TBC1D30: variants seen among roughly 807,000 people sequenced by gnomAD.
TBC1D30 encodes TBC1 domain family, member 30.
TBC1D30 carries 31 observed loss-of-function variants against 63.2 expected under a neutral mutation model. That is an observed-to-expected ratio of 0.49 (90% CI 0.37 to 0.66). The LOEUF (loss-of-function observed/expected upper bound fraction) is 0.66, where lower values mean the gene tolerates loss of function less well. TBC1D30 is among the 30% of genes least tolerant of loss of function. The probability of loss-of-function intolerance (pLI) is 0.00; values close to 1 mark genes in which losing one functional copy is unlikely to be tolerated. For missense variants in TBC1D30, 810 were observed against 953.6 expected (o/e 0.85, Z 1.98); for synonymous variants, 307 against 361.5 (o/e 0.85, Z 1.71).
intron 2 of TBC1D30, among the ~76,000 whole-genome samples, chr12:64,808,660 G>A (rs958859719): frequency 3.9e-5 from 6 of 152,026 alleles, no homozygotes; most frequent in East Asian, 1.9e-4. Context: ...GTACAGTCAC[G>A]CTGTGCATTC....
upstream of TBC1D30, among the ~76,000 whole-genome samples, chr12:64,824,072 C>T (rs1249079411): frequency 6.9e-6 from 1 of 145,238 alleles, no homozygotes; most frequent in Non-Finnish European, 1.5e-5. Context: ...TTGAGAATGA[C>T]TTTTTTTTTT....
chr12:64,797,991 T>C (rs1872379740), intron 2 of TBC1D30, among the ~76,000 whole-genome samples: 1 of 152,242 alleles, frequency 6.6e-6, no homozygotes, highest in South Asian at 2.1e-4. Flanking sequence ...TCTTCAGCCA[T>C]CATTCTGGTT....
At chr12:64,768,057 A>C (rs1181539255) in intron 1 of TBC1D30, among the ~76,000 whole-genome samples, 1 of 152,162 alleles carries the variant, frequency 6.6e-6, no homozygotes, top group Non-Finnish European at 1.5e-5. Flanking sequence ...TGGAGCATAA[A>C]AGTGCTCTGT....
In TBC1D30 at chr12:64,824,939, G is replaced by C; in HGVS notation, c.60G>C (p.Gln20His). The C allele has an allele frequency of 1.3e-6, 2 of 1,534,754 alleles. No individual in the cohort carries two copies. The highest frequency in any genetic ancestry group is 2.4e-5 in the South Asian group (2 of 83,930). ...GCGGGGGGAGATGCCTGAAGCGGCA[G>C]GGCGGCGGCGTGGGCACCATCCTGA... ...LRRGGRCLKR[Q>H]GGGVGTILSN... The change falls in exon 1 of 12, where the codon CAG becomes CAC. Residue 20 changes from glutamine (Q) to histidine (H), a missense_variant. Gln to His is a conservative substitution (Grantham distance 24). This residue lies in a region of TBC1D30 where 272 missense variants were observed against 335.9 expected (regional missense o/e 0.81). Coordinates refer to ENST00000539867, the MANE Select transcript of TBC1D30 (RefSeq NM_015279.2).
chr12:64,872,914 A>G (rs1878767784), intron 11 of TBC1D30, among the ~76,000 whole-genome samples: 1 of 152,152 alleles, frequency 6.6e-6, no homozygotes, highest in South Asian at 2.1e-4. Context: ...AGCACGGGAA[A>G]GACCTACCCC....
chr12:64,839,258 G>A (rs1221791769), intron 7 of TBC1D30, among the ~76,000 whole-genome samples: 1 of 152,200 alleles, frequency 6.6e-6, no homozygotes, highest in Non-Finnish European at 1.5e-5. Flanking sequence ...TTTCAGGGCT[G>A]TGATAAAATC....
chr12:64,763,876 C>T (rs965133164), intron 1 of TBC1D30, among the ~76,000 whole-genome samples: 1 of 152,100 alleles, frequency 6.6e-6, no homozygotes, highest in African/African-American at 2.4e-5. Context: ...GTGATCCACC[C>T]ACCTTGGCCT....
At chr12:64,774,537 A>T (rs1228461202) in intron 1 of TBC1D30, among the ~76,000 whole-genome samples, 1 of 152,222 alleles carries the variant, frequency 6.6e-6, no homozygotes, top group Non-Finnish European at 1.5e-5. Context: ...AAGGGGACCT[A>T]GAGAGAAAAG....
Position 64,850,491 on chromosome 12 carries a change from G to A in TBC1D30, c.1038+7006G>A, listed in dbSNP as rs1410377572. On this transcript the variant is annotated intron_variant, in intron 8 of 11. Transcript: ENST00000539867. Reference sequence around the variant, plus strand: ...TTGAGTGTTTTTAGCATGGAGCGGTGTTGAATTTTGTCGAAGGCCTTTTCT... The same window carrying A: ...TTGAGTGTTTTTAGCATGGAGCGGTATTGAATTTTGTCGAAGGCCTTTTCT... Among the ~76,000 whole-genome samples, 4 of 152,202 alleles carry A rather than the reference G, an allele frequency of 2.6e-5. No individual in the cohort carries two copies. The East Asian group carries it at 5.8e-4, about 22-fold the overall frequency.
At chr12:64,810,960 T>G (rs550729795) in intron 2 of TBC1D30, among the ~76,000 whole-genome samples, 1 of 152,344 alleles carries the variant, frequency 6.6e-6, no homozygotes, top group African/African-American at 2.4e-5. Context: ...ATAAATTTGC[T>G]GCCTACTAGC....
chr12:64,833,954 C>G (rs1386092841), intron 5 of TBC1D30, among the ~76,000 whole-genome samples: 2 of 150,738 alleles, frequency 1.3e-5, no homozygotes, highest in African/African-American at 2.4e-5. Context: ...GTTAGGGGGT[C>G]GGATGGAGAT....
intron 1 of TBC1D30, chr12:64,781,295 C>G (rs908779630): frequency 1.1e-5 from 12 of 1,118,530 alleles, no homozygotes; most frequent in South Asian, 1.8e-5. Flanking sequence ...AGGTGAGGGC[C>G]GGGCGCAGCA....
intron 2 of TBC1D30, among the ~76,000 whole-genome samples, chr12:64,816,135 C>T (rs1449631214): frequency 6.6e-6 from 1 of 151,620 alleles, no homozygotes; most frequent in Non-Finnish European, 1.5e-5. Context: ...TGGGTTCAAG[C>T]GATTCCTGTG....
chr12:64,763,337 A>G lies in TBC1D30; in HGVS notation c.-376+3688A>G, dbSNP rs552447236. 1.6e-3 allele frequency among the ~76,000 whole-genome samples: 248 copies of G among 152,324 alleles called. 1 individual carries two copies. The highest frequency in any genetic ancestry group is 2.4e-3 in the Non-Finnish European group (162 of 68,028). On this transcript the variant is annotated intron_variant, in intron 1 of 13. Transcript: ENST00000674237. ...ATATAATTCACAAGTTGTCAATTTA[A>G]TAGCCTATTTATTACTTTCATTTGC...
upstream of TBC1D30, among the ~76,000 whole-genome samples, chr12:64,820,311 T>C (rs1873815245): frequency 2.0e-5 from 3 of 152,150 alleles, no homozygotes; most frequent in Admixed American, 1.3e-4. Flanking sequence ...AAAAGTTCGC[T>C]CTCAAGGAAA....
At chr12:64,829,509 C>T (rs1389929883) in intron 3 of TBC1D30, among the ~76,000 whole-genome samples, 2 of 151,850 alleles carry the variant, frequency 1.3e-5, no homozygotes, top group Non-Finnish European at 2.9e-5. Flanking sequence ...TGTGTCTGTA[C>T]GTGTAGGTAG....
intron 2 of TBC1D30, among the ~76,000 whole-genome samples, chr12:64,800,682 T>C (rs1032791571): frequency 6.6e-6 from 1 of 151,978 alleles, no homozygotes; most frequent in African/African-American, 2.4e-5. Flanking sequence ...GGCAGAACCC[T>C]GGGAGAGAGA....
At chr12:64,821,248 T>C (rs1295143008), upstream of TBC1D30, among the ~76,000 whole-genome samples, 1 of 152,240 alleles carries the variant, frequency 6.6e-6, no homozygotes, top group Non-Finnish European at 1.5e-5. Flanking sequence ...ATATTCTCTG[T>C]GCTGCAGCAG....
chr12:64,875,293 GGCCA>G lies in TBC1D30; in HGVS notation c.1794_1797del (p.Ser599ArgfsTer62). 6.5e-7 allele frequency: 1 copy of G among 1,536,286 alleles called. No homozygotes were observed. The highest frequency in any genetic ancestry group is 1.2e-5 in the South Asian group (1 of 84,064). Reference sequence around the variant, plus strand: ...TAGGGCTGATAGATGAGCAGAACGAGGCCAGCAAGACCAATGGGCTGGGGGCAGC... The same window carrying G: ...TAGGGCTGATAGATGAGCAGAACGAGGCAAGACCAATGGGCTGGGGGCAGC... On this transcript the variant is annotated frameshift_variant, in exon 12 of 12. Transcript: ENST00000539867. LOFTEE classifies it low-confidence loss of function (END_TRUNC).
Sources: gnomAD v4.1 joint callset for allele counts (sites outside exome capture counted in the v4.1 genomes callset) on GRCh38, gnomAD v4.1.1 for gene constraint, gnomAD v4.1.1 regional missense constraint, MANE v1.5 for transcripts, NCBI Gene and HGNC (gene_info 2026-07-23, HGNC 2026-07-21) for gene names.